The following PABPC1 variants were observed in gnomAD, a reference collection of about 807,000 sequenced individuals.
PABPC1 encodes the protein poly(A) binding protein cytoplasmic 1.
PABPC1 carries 4 observed loss-of-function variants against 74.0 expected under a neutral mutation model. That is an observed-to-expected ratio of 0.05 (90% CI 0.03 to 0.12). The LOEUF (loss-of-function observed/expected upper bound fraction) is 0.12. Ranked by LOEUF, PABPC1 falls within the 10% of genes least tolerant of loss-of-function variation. The pLI is 1.00. For missense variants in PABPC1, 271 were observed against 821.1 expected (o/e 0.33, Z 8.19); for synonymous variants, 227 against 264.1 (o/e 0.86, Z 1.36).
intron 11 of PABPC1, 135 bp downstream of exon 11, chr8:100,706,516 G>T: frequency 1.5e-6 from 1 of 664,010 alleles, no homozygotes; most frequent in Non-Finnish European, 2.5e-6. Context: ...CAAACTCCTG[G>T]TCTCAAGCAA....
In PABPC1 at chr8:100,712,648, G is replaced by A; in HGVS notation, c.876+4C>T. The A allele has an allele frequency of 6.4e-7, 1 of 1,570,136 alleles. No homozygotes were observed. The highest frequency in any genetic ancestry group is 8.6e-7 in the Non-Finnish European group (1 of 1,158,772). On this transcript the variant is annotated splice_donor_region_variant and intron_variant, in intron 6 of 14. Coordinates refer to ENST00000318607, the MANE Select transcript of PABPC1 (RefSeq NM_002568.4). The stretch of plus-strand genomic sequence containing the variant: ...TTATTTTGGTTGTTCAATTAAAAAT[G>A]AACCTGGTATCTGGTGATCCTATCT...
rs572586468 is a variant in PABPC1, at chr8:100,709,955, G to A, written c.973-224C>T. On this transcript the variant is annotated intron_variant, in intron 7 of 14. Transcript: ENST00000318607. The stretch of plus-strand genomic sequence containing the variant: ...CCCTAGCCAGGTCAGAGAACTGACA[G>A]AAGTGAAGGCTGCACAGAAACTTTT... The A allele has an allele frequency of 4.1e-5, 19 of 466,652 alleles. No homozygotes were observed. In the East Asian group the frequency reaches 5.6e-4, roughly 14 times the overall value. The allele number at this position is 466,652 out of a possible 1,614,324, so 28.9% of individuals were successfully genotyped here.
In PABPC1 at chr8:100,718,068, T is replaced by A. The variant is rs753964534; in HGVS notation, c.387+19A>T. ...TAGCTCAACAATGTAAACATGTGTA[T>A]CGGACATTTTTGGCTTACCTTACAT... On this transcript the variant is annotated intron_variant, in intron 2 of 14. Transcript: ENST00000318607. 1 of 1,578,682 alleles carries A rather than the reference T, an allele frequency of 6.3e-7. No individual in the cohort carries two copies. The highest frequency in any genetic ancestry group is 2.2e-5 in the East Asian group (1 of 44,666).
In PABPC1 at chr8:100,703,106, A is replaced by G. The variant is rs1810285248; in HGVS notation, c.*255T>C. The G allele has an allele frequency of 6.1e-6, 1 of 164,626 alleles. No individual in the cohort carries two copies. Among genetic ancestry groups the G allele is most frequent in the Admixed American group, 6.5e-5 (1 of 15,296 alleles). 10.2% of individuals were successfully genotyped at this position (164,626 alleles called of 1,614,324 possible). A position where few individuals can be genotyped will look rare whatever the true frequency, so the allele number is the denominator to read the frequency against. ...CTGAAAATTCTTTTTCCCAGGGTCTATAAAACATTAATTTGTTTTTATATT... is the reference window on the plus strand; with the variant it reads ...CTGAAAATTCTTTTTCCCAGGGTCTGTAAAACATTAATTTGTTTTTATATT... On this transcript the variant is annotated 3_prime_UTR_variant, in exon 15 of 15. Coordinates refer to ENST00000318607, the MANE Select transcript of PABPC1 (RefSeq NM_002568.4).
chr8:100,712,797 C>G lies in PABPC1; in HGVS notation c.739-8G>C, dbSNP rs760607670. The G allele has an allele frequency of 2.0e-6, 3 of 1,480,368 alleles. No individual in the cohort carries two copies. Among genetic ancestry groups the G allele is most frequent in the East Asian group, 2.5e-5 (1 of 40,504 alleles). The allele number at this position is 1,480,368 out of a possible 1,614,324, so 91.7% of individuals were successfully genotyped here. A position where few individuals can be genotyped will look rare whatever the true frequency, so the allele number is the denominator to read the frequency against. On this transcript the variant is annotated splice_region_variant and splice_polypyrimidine_tract_variant and intron_variant, in intron 5 of 14. Transcript: ENST00000318607. ...GTTCATCTCATCCACAGCCTTCCCC[C>G]CAAAAAAAAAGAAAAAAAAAAAATC... is the stretch of plus-strand genomic sequence containing the variant.
intron 9 of PABPC1, among the ~76,000 whole-genome samples, chr8:100,708,036 T>G (rs1022465413): frequency 6.6e-6 from 1 of 152,228 alleles, no homozygotes; most frequent in African/African-American, 2.4e-5. Flanking sequence ...GTGAGGATTA[T>G]TATGATATTG....
rs201113641 is a variant in PABPC1, at chr8:100,712,807, A to G, written c.739-18T>C. Reference sequence around the variant, plus strand: ...TCCACAGCCTTCCCCCCAAAAAAAAAGAAAAAAAAAAAATCACAAAACTTT... The same window carrying G: ...TCCACAGCCTTCCCCCCAAAAAAAAGGAAAAAAAAAAAATCACAAAACTTT... On this transcript the variant is annotated intron_variant, in intron 5 of 14. Coordinates refer to ENST00000318607, the MANE Select transcript of PABPC1 (RefSeq NM_002568.4). 33 of 1,478,582 alleles carry G rather than the reference A, an allele frequency of 2.2e-5. No homozygotes were observed. The highest frequency in any genetic ancestry group is 1.8e-4 in the Middle Eastern group (1 of 5,646). 91.6% of individuals were successfully genotyped at this position (1,478,582 alleles called of 1,614,324 possible).
intron 3 of PABPC1, among the ~76,000 whole-genome samples, chr8:100,716,594 ATGGT>A (rs755886437): frequency 6.6e-6 from 1 of 152,242 alleles, no homozygotes; most frequent in African/African-American, 2.4e-5. Context: ...TCCACAAAAT[ATGGT>A]TGGTCTTCGC....
At chr8:100,705,381 C>T (rs911410541) in intron 12 of PABPC1, among the ~76,000 whole-genome samples, 1 of 152,230 alleles carries the variant, frequency 6.6e-6, no homozygotes, top group Admixed American at 6.5e-5. Context: ...GTGAGTAATG[C>T]CCTACTACCC....
At chr8:100,708,322 G>T (rs56295129) in intron 9 of PABPC1, among the ~76,000 whole-genome samples, 7,584 of 152,236 alleles carry the variant, frequency 0.05, 624 homozygotes, top group African/African-American at 0.17. Flanking sequence ...TGGGCGTGGT[G>T]GCGTGTGCCT....
At chr8:100,711,495 T>C (rs1228386341) in intron 7 of PABPC1, among the ~76,000 whole-genome samples, 1 of 152,156 alleles carries the variant, frequency 6.6e-6, no homozygotes, top group Non-Finnish European at 1.5e-5. Flanking sequence ...CAGAAAAACA[T>C]GCATGCTTCA....
chr8:100,718,069 C>A lies in PABPC1; in HGVS notation c.387+18G>T, dbSNP rs186039220. The A allele has an allele frequency of 6.3e-7, 1 of 1,579,372 alleles. No individual in the cohort carries two copies. Among genetic ancestry groups the A allele is most frequent in the Non-Finnish European group, 8.7e-7 (1 of 1,155,380 alleles). Reference sequence around the variant, plus strand: ...AGCTCAACAATGTAAACATGTGTATCGGACATTTTTGGCTTACCTTACATG... The same window carrying A: ...AGCTCAACAATGTAAACATGTGTATAGGACATTTTTGGCTTACCTTACATG... On this transcript the variant is annotated intron_variant, in intron 2 of 14. Coordinates refer to ENST00000318607, the MANE Select transcript of PABPC1 (RefSeq NM_002568.4).
In PABPC1 at chr8:100,704,321, C is replaced by T; in HGVS notation, c.1888G>A (p.Ala630Thr). The T allele has an allele frequency of 1.9e-6, 3 of 1,613,796 alleles. No homozygotes were observed. The highest frequency in any genetic ancestry group is 1.7e-5 in the Admixed American group (1 of 60,004). ...CTTTAAACAGTTGGAACACCGGTGG[C>T]ACTGTTAACTGCTTTCTGGGCAGCC... is the stretch of plus-strand genomic sequence containing the variant. ...KEAAQKAVNS[A>T]TGVPTV The change falls in exon 14 of 15, where the codon GCC becomes ACC. Residue 630 changes from alanine (A) to threonine (T), a missense_variant. Transcript: ENST00000318607.
At chr8:100,718,307 A>G (rs1810724071) in intron 1 of PABPC1, 27 bp from the exon 2 acceptor site, 13 of 1,584,310 alleles carry the variant, frequency 8.2e-6, no homozygotes, top group Non-Finnish European at 1.1e-5. Context: ...TTCAGAGTCA[A>G]TATTACTTCA....
chr8:100,721,437 G>A lies in PABPC1; in HGVS notation c.147C>T (p.Arg49=). ...TCACATACGCGTAGCCCAAGGAGCG[G>A]CGGGTGATCATGTCCCTGCAGACCC... ...SIRVCRDMIT[R]RSLGYAYVNF... is the part of the protein sequence containing the mutation. The change falls in exon 1 of 15, where the codon CGC becomes CGT. Residue 49 remains arginine (R), a synonymous_variant. Transcript: ENST00000318607. This position sits in a 1 kb window ranked among gnomAD's most constrained non-coding sequence, Gnocchi z 7.4. The A allele has an allele frequency of 1.2e-6, 2 of 1,601,748 alleles. No individual in the cohort carries two copies. Among genetic ancestry groups the A allele is most frequent in the Non-Finnish European group, 8.5e-7 (1 of 1,174,110 alleles).
At chr8:100,711,011 G>A (rs888844491) in intron 7 of PABPC1, among the ~76,000 whole-genome samples, 1 of 152,020 alleles carries the variant, frequency 6.6e-6, no homozygotes, top group African/African-American at 2.4e-5. Flanking sequence ...CAGACAACCA[G>A]CCAGGCACGG....
rs772042331 is a variant in PABPC1 at position 100,713,041 on chromosome 8, ACTCAACTTTGTAC to A, written c.738+33_738+45del. ...GCACATAGACTTCAACACAAGAGCA[ACTCAACTTTGTAC>A]CCCCTTCTTCCTGCTGAATACAGAC... On this transcript the variant is annotated intron_variant, in intron 5 of 14. Transcript: ENST00000318607. 114 of 1,346,942 alleles carry A rather than the reference ACTCAACTTTGTAC, an allele frequency of 8.5e-5. No individual in the cohort carries two copies. The South Asian group carries it at 1.4e-3, about 17-fold the overall frequency. 83.4% of individuals were successfully genotyped at this position (1,346,942 alleles called of 1,614,324 possible). A position where few individuals can be genotyped will look rare whatever the true frequency, so the allele number is the denominator to read the frequency against.
At chr8:100,716,156 C>G (rs1810663763) in intron 3 of PABPC1, among the ~76,000 whole-genome samples, 1 of 152,202 alleles carries the variant, frequency 6.6e-6, no homozygotes, top group Admixed American at 6.5e-5. Context: ...GTAATCCCAG[C>G]ACTTTGCAAG....
intron 9 of PABPC1, among the ~76,000 whole-genome samples, chr8:100,707,822 CACTT>C (rs1484309952): frequency 1.3e-4 from 20 of 152,330 alleles, no homozygotes; most frequent in African/African-American, 4.6e-4. Flanking sequence ...TTTCCTTTGA[CACTT>C]ACGCTACTGC....
Sources: gnomAD v4.1 joint callset for allele counts (sites outside exome capture counted in the v4.1 genomes callset) on GRCh38, gnomAD v4.1.1 for gene constraint, Gnocchi (gnomAD v3.1) non-coding constraint, MANE v1.5 for transcripts, NCBI Gene and HGNC (gene_info 2026-07-23, HGNC 2026-07-21) for gene names.